FBXL17: variants seen among roughly 807,000 people sequenced by gnomAD.
FBXL17 encodes F-box/LRR-repeat protein 17.
In FBXL17, 22 loss-of-function variants were observed where a neutral mutation model predicts 66.2. That is an observed-to-expected ratio of 0.33 (90% confidence interval 0.24 to 0.47). The LOEUF (loss-of-function observed/expected upper bound fraction) is 0.47. Ranked by LOEUF, FBXL17 falls within the 20% of genes least tolerant of loss-of-function variation. The pLI is 1.00. For synonymous variants in FBXL17, 474 were observed against 400.5 expected (o/e 1.18, Z -2.19); for missense variants, 878 against 948.2 (o/e 0.93, Z 0.97).
chr5:108,044,431 T>G (rs1248894848), intron 6 of FBXL17, among the ~76,000 whole-genome samples: 1 of 152,194 alleles, frequency 6.6e-6, no homozygotes, highest in Non-Finnish European at 1.5e-5. Context: ...TTTTGACAAC[T>G]GATATGATCA....
intron 6 of FBXL17, among the ~76,000 whole-genome samples, chr5:108,085,763 G>A (rs1220104650): frequency 3.9e-5 from 6 of 152,076 alleles, no homozygotes; most frequent in Non-Finnish European, 7.4e-5. Context: ...GGCAAAACCC[G>A]GTCTCAACAA....
intron 4 of FBXL17, among the ~76,000 whole-genome samples, chr5:108,280,781 TA>T (rs925299598): frequency 2.7e-5 from 4 of 150,924 alleles, no homozygotes; most frequent in African/African-American, 9.7e-5. Flanking sequence ...AAACTGACCT[TA>T]CCTATAAAGA....
intron 7 of FBXL17, among the ~76,000 whole-genome samples, chr5:107,946,433 G>C (rs1751298808): frequency 6.9e-6 from 1 of 145,082 alleles, no homozygotes; most frequent in Non-Finnish European, 1.5e-5. Flanking sequence ...TAGGACTACA[G>C]GTGTGTGCCA....
intron 7 of FBXL17, among the ~76,000 whole-genome samples, chr5:108,018,473 GAA>G (rs1437692152): frequency 6.6e-6 from 1 of 152,124 alleles, no homozygotes; most frequent in African/African-American, 2.4e-5. Context: ...TGTAGTGGGT[GAA>G]AAGATGAGAT....
At chr5:108,350,415 T>A (rs562548173) in intron 3 of FBXL17, among the ~76,000 whole-genome samples, 1 of 152,338 alleles carries the variant, frequency 6.6e-6, no homozygotes, top group South Asian at 2.1e-4. Flanking sequence ...TGAACGTTTA[T>A]ACAGTGAAAA....
At chr5:108,218,016 C>CTTTTTTTTTT (rs752575685) in intron 5 of FBXL17, among the ~76,000 whole-genome samples, 11 of 120,102 alleles carry the variant, frequency 9.2e-5, no homozygotes, top group Non-Finnish European at 1.2e-4. Context: ...AATTTTTTTT[C>CTTTTTTTTTT]TTTTTTTTTT....
At chr5:107,879,924 T>C in intron 8 of FBXL17, 1 of 985,220 alleles carries the variant, frequency 1.0e-6, no homozygotes, top group Non-Finnish European at 1.2e-6. Context: ...CTTGCCAGAG[T>C]ATCCTGGGGC....
chr5:108,078,635 C>T (rs988044971), intron 6 of FBXL17, among the ~76,000 whole-genome samples: 6 of 152,076 alleles, frequency 3.9e-5, no homozygotes, highest in South Asian at 2.1e-4. Flanking sequence ...CTATTTTCTC[C>T]GAGAGCTGCT....
At chr5:108,073,012 T>C (rs1748400655) in intron 6 of FBXL17, among the ~76,000 whole-genome samples, 1 of 152,196 alleles carries the variant, frequency 6.6e-6, no homozygotes, top group African/African-American at 2.4e-5. Context: ...AATTTACACA[T>C]ATTTTTACCT....
intron 4 of FBXL17, among the ~76,000 whole-genome samples, chr5:108,283,276 C>A (rs897000706): frequency 6.6e-6 from 1 of 151,672 alleles, no homozygotes; most frequent in Non-Finnish European, 1.5e-5. Flanking sequence ...TATAAAAGAA[C>A]AAAGCTCACA....
At position 108,381,845 on chromosome 5, in the gene FBXL17, TG is replaced by T. The variant is rs990246199; in HGVS notation, c.-155del. The T allele has an allele frequency of 3.9e-6, 5 of 1,294,390 alleles. No homozygotes were observed. The highest frequency in any genetic ancestry group is 4.4e-5 in the South Asian group (2 of 45,178). The allele number at this position is 1,294,390 out of a possible 1,614,324, so 80.2% of individuals were successfully genotyped here. A position where few individuals can be genotyped will look rare whatever the true frequency, so the allele number is the denominator to read the frequency against. ...GCACACACGGGCACACACGCGACGGTGGGGGGTGGGCGTCAGCTGCGGGCCG... is the reference window on the plus strand; with the variant it reads ...GCACACACGGGCACACACGCGACGGTGGGGGTGGGCGTCAGCTGCGGGCCG... On this transcript the variant is annotated 5_prime_UTR_variant, in exon 1 of 9. Coordinates refer to ENST00000542267, the MANE Select transcript of FBXL17 (RefSeq NM_001163315.3).
At chr5:107,878,444 A>C in intron 8 of FBXL17, 1 of 606,386 alleles carries the variant, frequency 1.6e-6, no homozygotes, top group Non-Finnish European at 2.1e-6. Flanking sequence ...ACAATTCTAC[A>C]AGATAGGTAC....
At chr5:108,036,146 T>G (rs538930230) in intron 6 of FBXL17, among the ~76,000 whole-genome samples, 1 of 152,324 alleles carries the variant, frequency 6.6e-6, no homozygotes, top group Non-Finnish European at 1.5e-5. Context: ...TGCCAGTTTT[T>G]TTTGTTGCTG....
intron 4 of FBXL17, among the ~76,000 whole-genome samples, chr5:108,332,941 C>CAAAAAAAAAAAAAAAAAAAAAAAAAAAAA (rs34218940): frequency 2.9e-5 from 1 of 34,760 alleles, no homozygotes; most frequent in African/African-American, 1.4e-4. Context: ...AAAGCAAAAG[C>CAAAAAAAAAAAAAAAAAAAAAAAAAAAAA]AAAAAAAAAA....
chr5:107,991,917 A>G (rs1753266488), intron 7 of FBXL17, among the ~76,000 whole-genome samples: 1 of 152,202 alleles, frequency 6.6e-6, no homozygotes, highest in African/African-American at 2.4e-5. Context: ...TGCATTGCTT[A>G]AGGTAGAGAG....
At chr5:108,324,018 T>C (rs1759740583) in intron 4 of FBXL17, among the ~76,000 whole-genome samples, 1 of 152,026 alleles carries the variant, frequency 6.6e-6, no homozygotes, top group African/African-American at 2.4e-5. Flanking sequence ...CTTTACAACG[T>C]TGAATTTGGC....
intron 8 of FBXL17, among the ~76,000 whole-genome samples, chr5:107,877,688 C>T: frequency 6.6e-6 from 1 of 152,106 alleles, no homozygotes; most frequent in East Asian, 1.9e-4. Context: ...GACACCATTC[C>T]TGACCAAGGG....
intron 4 of FBXL17, among the ~76,000 whole-genome samples, chr5:108,337,071 C>T (rs1045891175): frequency 3.9e-5 from 6 of 151,944 alleles, no homozygotes; most frequent in Admixed American, 3.9e-4. Context: ...TCCTGGCCAA[C>T]ATGGTGAAAC....
At chr5:108,198,923 T>C (rs1753783039) in intron 5 of FBXL17, among the ~76,000 whole-genome samples, 1 of 152,116 alleles carries the variant, frequency 6.6e-6, no homozygotes, top group African/African-American at 2.4e-5. Context: ...AATATGAAAT[T>C]ATTAAAGATG....
Sources: allele counts gnomAD v4.1 joint callset (sites outside exome capture counted in the v4.1 genomes callset), GRCh38; gene constraint gnomAD v4.1.1; transcripts MANE v1.5; gene names NCBI Gene and HGNC (gene_info 2026-07-23, HGNC 2026-07-21).